Variants in CRB1 observed in about 807,000 individuals in gnomAD.
The protein encoded by CRB1 is protein crumbs homolog 1.
In CRB1, 83 loss-of-function variants were observed where a neutral mutation model predicts 120.0. That is an observed-to-expected ratio of 0.69 (90% CI 0.58 to 0.83). The LOEUF (loss-of-function observed/expected upper bound fraction) is 0.83. Among genes scored for constraint, CRB1 ranks in the 40% least tolerant of loss-of-function variants. The pLI is 0.00. For missense variants in CRB1, 1,699 were observed against 1,687.6 expected, an observed-to-expected ratio of 1.01 and a Z score of -0.12; for synonymous variants, 625 against 612.5, an observed-to-expected ratio of 1.02 and a Z score of -0.30.
chr1:197,257,456 C>G, the CRB1 span, among the ~76,000 whole-genome samples: 1 of 152,110 alleles, frequency 6.6e-6, no homozygotes, highest in African/African-American at 2.4e-5. Context: ...TCACAAGTCT[C>G]TCACTCAATT....
chr1:197,347,445 C>G lies in CRB1; in HGVS notation c.954C>G (p.Asp318Glu). The G allele has an allele frequency of 6.2e-7, 1 of 1,614,092 alleles. No homozygotes were observed. Among genetic ancestry groups the G allele is most frequent in the Non-Finnish European group, 8.5e-7 (1 of 1,179,952 alleles). Reference protein sequence around the residue: ...KPCHNNATCEDSVDNYTCHCW... With the variant: ...KPCHNNATCEESVDNYTCHCW... The stretch of plus-strand genomic sequence containing the variant: ...GTCACAATAATGCTACATGTGAGGA[C>G]AGTGTTGACAATTACACTTGTCACT... The change falls in exon 4 of 12, where the codon GAC (aspartate) becomes GAG (glutamate). Residue 318 changes from aspartate (D) to glutamate (E), a missense_variant. Asp to Glu is a conservative substitution (Grantham distance 45). Transcript: ENST00000367400.
intron 11 of CRB1, among the ~76,000 whole-genome samples, chr1:197,465,369 A>G (rs1468761633): frequency 6.6e-6 from 1 of 152,178 alleles, no homozygotes; most frequent in East Asian, 1.9e-4. Flanking sequence ...AAAGTCATAC[A>G]TAAGGTTTAG....
At chr1:197,293,271 GACAA>G (rs1332231481) in intron 1 of CRB1, among the ~76,000 whole-genome samples, 2 of 152,116 alleles carry the variant, frequency 1.3e-5, no homozygotes, top group Non-Finnish European at 2.9e-5. Flanking sequence ...ACCAATAACA[GACAA>G]ACAGAGAGCC....
rs1376812195 is a variant in CRB1, at chr1:197,356,859, C to G, written c.1017C>G (p.Asp339Glu). The G allele has an allele frequency of 1.2e-6, 2 of 1,614,172 alleles. No homozygotes were observed. The highest frequency in any genetic ancestry group is 2.2e-5 in the South Asian group (2 of 91,080). Residue 339 changes from aspartate (D) to glutamate (E), a missense_variant, in exon 5 of 12, where the codon GAC (aspartate) becomes GAG (glutamate). Transcript: ENST00000367400. The part of the protein sequence containing the change: ...PGYTGAQCEI[D>E]LNECNSNPCQ... ...ACACAGGTGCCCAGTGTGAGATCGA[C>G]CTCAATGAATGCAATAGTAACCCCT...
chr1:197,223,820 C>T, the CRB1 span, among the ~76,000 whole-genome samples: 3 of 152,092 alleles, frequency 2.0e-5, no homozygotes, highest in African/African-American at 7.2e-5. Flanking sequence ...TGTTTTTTAA[C>T]CTTCTTCAAG....
At chr1:197,235,482 A>G in the CRB1 span, among the ~76,000 whole-genome samples, 1 of 152,188 alleles carries the variant, frequency 6.6e-6, no homozygotes, top group Non-Finnish European at 1.5e-5. Context: ...ACCATGTGAT[A>G]AAGTCTGTGT....
the CRB1 span, among the ~76,000 whole-genome samples, chr1:197,220,042 A>AT: frequency 8.6e-5 from 13 of 152,030 alleles, no homozygotes; most frequent in Admixed American, 2.6e-4. Context: ...CATAGCTATA[A>AT]TTTTTTTTGT....
intron 1 of CRB1, among the ~76,000 whole-genome samples, chr1:197,290,749 A>T (rs1436917536): frequency 1.3e-5 from 2 of 151,776 alleles, no homozygotes. Context: ...GAGGATTTTA[A>T]GTTTATGTAC....
chr1:197,356,856 C>A lies in CRB1; in HGVS notation c.1014C>A (p.Ile338=), dbSNP rs771549675. The change falls in exon 5 of 12, where the codon ATC becomes ATA. Residue 338 remains isoleucine (I), a synonymous_variant. Coordinates refer to ENST00000367400, the MANE Select transcript of CRB1 (RefSeq NM_201253.3). Reference sequence around the variant, plus strand: ...GATACACAGGTGCCCAGTGTGAGATCGACCTCAATGAATGCAATAGTAACC... The same window carrying A: ...GATACACAGGTGCCCAGTGTGAGATAGACCTCAATGAATGCAATAGTAACC... ...WPGYTGAQCE[I]DLNECNSNPC... The A allele has an allele frequency of 4.0e-5, 64 of 1,614,036 alleles. No homozygotes were observed. Among genetic ancestry groups the A allele is most frequent in the Middle Eastern group, 1.6e-4 (1 of 6,084 alleles).
chr1:197,269,712 T>A (rs1654801733), intron 1 of CRB1, among the ~76,000 whole-genome samples: 1 of 152,160 alleles, frequency 6.6e-6, no homozygotes, highest in East Asian at 1.9e-4. Flanking sequence ...GTGCATTTTA[T>A]GGCAAACAGC....
the CRB1 span, among the ~76,000 whole-genome samples, chr1:197,219,840 T>TG: frequency 6.6e-5 from 10 of 152,346 alleles, no homozygotes; most frequent in Admixed American, 2.0e-4. Flanking sequence ...TCAGGTTGCT[T>TG]GTTCTCTCCT....
At chr1:197,380,898 C>A (rs941282780) in intron 5 of CRB1, among the ~76,000 whole-genome samples, 2 of 152,154 alleles carry the variant, frequency 1.3e-5, no homozygotes, top group Non-Finnish European at 2.9e-5. Context: ...GTGTGTCTGG[C>A]GCATCTCTCG....
intron 1 of CRB1, among the ~76,000 whole-genome samples, chr1:197,318,765 T>C (rs1453796090): frequency 2.0e-5 from 3 of 152,154 alleles, no homozygotes; most frequent in Non-Finnish European, 4.4e-5. Context: ...ATGATCTCAC[T>C]CACATGTGGA....
intron 11 of CRB1, 79 bp downstream of exon 11, chr1:197,442,371 A>C: frequency 6.2e-7 from 1 of 1,609,996 alleles, no homozygotes; most frequent in Non-Finnish European, 8.5e-7. Context: ...CATTTTGCGT[A>C]TGAATGACGA....
intron 1 of CRB1, among the ~76,000 whole-genome samples, chr1:197,271,376 G>A (rs1654900242): frequency 6.6e-6 from 1 of 152,054 alleles, no homozygotes. Context: ...AGCTACCAGG[G>A]GAACGCTGTT....
At chr1:197,209,132 T>C in the CRB1 span, among the ~76,000 whole-genome samples, 3 of 152,212 alleles carry the variant, frequency 2.0e-5, no homozygotes, top group African/African-American at 7.2e-5. Context: ...GCTGAGAACT[T>C]ACCCTAGGCT....
chr1:197,291,253 A>G (rs1194941077), intron 1 of CRB1, among the ~76,000 whole-genome samples: 3 of 151,888 alleles, frequency 2.0e-5, no homozygotes, highest in African/African-American at 7.2e-5. Flanking sequence ...ACTTAAATAT[A>G]TAAGTGAGTG....
chr1:197,346,653 G>A (rs1659792654), intron 3 of CRB1, among the ~76,000 whole-genome samples: 1 of 152,078 alleles, frequency 6.6e-6, no homozygotes. Flanking sequence ...CTAAATCCTT[G>A]AGGAGACCCC....
In CRB1 at chr1:197,427,677, A is replaced by T. The variant is rs139001684; in HGVS notation, c.2352A>T (p.Val784=). ...MLTPNSPKLV[V]KFVLNDGNVH... Reference sequence around the variant, plus strand: ...CTCCAAACTCTCCCAAATTAGTAGTAAAATTTGTTCTTAATGATGGAAATG... The same window carrying T: ...CTCCAAACTCTCCCAAATTAGTAGTTAAATTTGTTCTTAATGATGGAAATG... Residue 784 remains valine (V), a synonymous_variant, in exon 7 of 12, where the codon GTA becomes GTT. Coordinates refer to ENST00000367400, the MANE Select transcript of CRB1 (RefSeq NM_201253.3). The T allele has an allele frequency of 1.7e-5, 28 of 1,613,778 alleles. No homozygotes were observed. The highest frequency in any genetic ancestry group is 2.4e-5 in the Non-Finnish European group (28 of 1,179,878).
Sources: allele counts gnomAD v4.1 joint callset (sites outside exome capture counted in the v4.1 genomes callset), GRCh38; gene constraint gnomAD v4.1.1; transcripts MANE v1.5; gene names NCBI Gene and HGNC (gene_info 2026-07-23, HGNC 2026-07-21).